Variants in TENM4 observed in about 807,000 individuals in gnomAD.
TENM4 encodes the protein teneurin-4.
A neutral mutation model predicts 243.3 loss-of-function variants in TENM4; 82 were observed. The ratio of observed to expected loss-of-function variants is 0.34; its 90% CI spans 0.28 to 0.40. The LOEUF is 0.40. Ranked by LOEUF, TENM4 falls within the 10% of genes least tolerant of loss-of-function variation. TENM4 has a pLI of 1.00. For synonymous variants in TENM4, 1,412 were observed against 1,456.3 expected, an observed-to-expected ratio of 0.97 and a Z score of 0.69; for missense variants, 3,138 against 3,673.3, an observed-to-expected ratio of 0.85 and a Z score of 3.77.
At chr11:78,923,441 G>A (rs1225355111) in intron 6 of TENM4, among the ~76,000 whole-genome samples, 1 of 152,172 alleles carries the variant, frequency 6.6e-6, no homozygotes, top group Non-Finnish European at 1.5e-5. Context: ...CTGAGCCAAT[G>A]AGTGTTTCAG....
intron 25 of TENM4, among the ~76,000 whole-genome samples, chr11:78,718,768 T>C (rs2135828388): frequency 6.6e-6 from 1 of 152,354 alleles, no homozygotes; most frequent in East Asian, 1.9e-4. Context: ...AATGTTCTCT[T>C]CTGAGAAATG....
At chr11:78,788,304 T>G (rs1856981465) in intron 15 of TENM4, among the ~76,000 whole-genome samples, 1 of 152,354 alleles carries the variant, frequency 6.6e-6, no homozygotes, top group East Asian at 1.9e-4. Flanking sequence ...AGTCCCCATG[T>G]ATGTTGTGTT....
intron 6 of TENM4, among the ~76,000 whole-genome samples, chr11:78,955,335 A>G (rs1857186278): frequency 6.6e-6 from 1 of 152,190 alleles, no homozygotes; most frequent in African/African-American, 2.4e-5. Context: ...CTAATCTCCC[A>G]CACTCTCCTT....
At chr11:78,809,079 A>G (rs1399721539) in intron 14 of TENM4, among the ~76,000 whole-genome samples, 1 of 152,152 alleles carries the variant, frequency 6.6e-6, no homozygotes, top group Non-Finnish European at 1.5e-5. Context: ...GAACCTATAA[A>G]TCCCCATCAT....
At chr11:78,847,063 A>G (rs1454951500) in intron 12 of TENM4, among the ~76,000 whole-genome samples, 3 of 152,198 alleles carry the variant, frequency 2.0e-5, no homozygotes, top group Non-Finnish European at 4.4e-5. Context: ...CCTGCCTGAC[A>G]TGCAGACATA....
chr11:78,656,900 T>G lies in TENM4; in HGVS notation c.*1158A>C. The G allele has an allele frequency of 2.5e-6, 1 of 397,552 alleles. No individual in the cohort carries two copies. The highest frequency in any genetic ancestry group is 4.4e-5 in the Admixed American group (1 of 22,736). 24.6% of individuals were successfully genotyped at this position (397,552 alleles called of 1,614,324 possible). On this transcript the variant is annotated 3_prime_UTR_variant, in exon 34 of 34. Transcript: ENST00000278550. ...ACTGGTTAGAAGGATGCTTAGCTTA[T>G]GCCTTCCTCTCTTTGGCTGGCTTTT...
chr11:78,879,077 G>A (rs144143898), intron 9 of TENM4, among the ~76,000 whole-genome samples: 1,783 of 151,152 alleles, frequency 0.012, 36 homozygotes, highest in African/African-American at 0.041. Flanking sequence ...GCCTCTGCCC[G>A]GCTGCCCCAA....
chr11:79,360,020 G>A (rs539047), intron 1 of TENM4, among the ~76,000 whole-genome samples: 112,313 of 152,074 alleles, frequency 0.74, 41,683 homozygotes, highest in Middle Eastern at 0.8. Flanking sequence ...GATAAAAGTT[G>A]TCATCAGCAT....
At chr11:78,820,664 T>G (rs1404591146) in intron 12 of TENM4, among the ~76,000 whole-genome samples, 1 of 152,166 alleles carries the variant, frequency 6.6e-6, no homozygotes, top group Non-Finnish European at 1.5e-5. Context: ...AACAAGGAAA[T>G]GTGGGTTTCT....
intron 2 of TENM4, among the ~76,000 whole-genome samples, chr11:79,249,618 G>A (rs891136771): frequency 1.3e-5 from 2 of 152,096 alleles, no homozygotes; most frequent in Admixed American, 6.5e-5. Context: ...ATATTCACAC[G>A]CAGTATTTAT....
rs1172776088 is a variant in TENM4, at chr11:78,923,693, C to CTTTTTTTT, written c.494-20178_494-20171dup. ...GCTGGGATGACAGGCATGCACCTGG[C>CTTTTTTTT]TTTTTTTTTTTTTTTTTTTTTTTTA... On this transcript the variant is annotated intron_variant, in intron 6 of 33. Transcript: ENST00000278550. 3.0e-4 allele frequency among the ~76,000 whole-genome samples: 16 copies of CTTTTTTTT among 53,680 alleles called. 4 individuals are homozygous for CTTTTTTTT. Among genetic ancestry groups the CTTTTTTTT allele is most frequent in the South Asian group, 1.4e-3 (1 of 722 alleles). 35.2% of individuals were successfully genotyped at this position (53,680 alleles called of 152,430 possible). A position where few individuals can be genotyped will look rare whatever the true frequency, so the allele number is the denominator to read the frequency against.
chr11:79,095,957 A>T (rs1276595035), intron 4 of TENM4: 1 of 152,192 alleles, frequency 6.6e-6, no homozygotes, highest in Non-Finnish European at 1.5e-5. Context: ...GGGAGAACCC[A>T]TTGAGGGTCT....
intron 1 of TENM4, among the ~76,000 whole-genome samples, chr11:79,409,468 T>A (rs763166034): frequency 5.3e-5 from 8 of 152,148 alleles, no homozygotes; most frequent in Non-Finnish European, 8.8e-5. Context: ...GCGGCAGGAA[T>A]CCAGCGTGGC....
chr11:79,281,255 TC>T (rs1420921835), intron 2 of TENM4, among the ~76,000 whole-genome samples: 1 of 152,172 alleles, frequency 6.6e-6, no homozygotes, highest in Non-Finnish European at 1.5e-5. Flanking sequence ...GGTATTATGA[TC>T]ATTTTTATTT....
chr11:79,419,176 ACCT>A (rs1565338687), intron 1 of TENM4, among the ~76,000 whole-genome samples: 1 of 152,180 alleles, frequency 6.6e-6, no homozygotes, highest in East Asian at 1.9e-4. Flanking sequence ...TGAAAAGCCT[ACCT>A]GGCTTTTCAA....
chr11:78,761,767 G>GT (rs35891979), intron 18 of TENM4, among the ~76,000 whole-genome samples: 1 of 151,744 alleles, frequency 6.6e-6, no homozygotes, highest in Non-Finnish European at 1.5e-5. Flanking sequence ...AGTAGGCACT[G>GT]TTTTTTTTAG....
Position 78,657,859 on chromosome 11 carries a change from G to A in TENM4, c.*199C>T, listed in dbSNP as rs894030854. 1 of 765,702 alleles carries A rather than the reference G, an allele frequency of 1.3e-6. No individual in the cohort carries two copies. The highest frequency in any genetic ancestry group is 2.3e-5 in the Admixed American group (1 of 43,426). 47.4% of individuals were successfully genotyped at this position (765,702 alleles called of 1,614,324 possible). A position where few individuals can be genotyped will look rare whatever the true frequency, so the allele number is the denominator to read the frequency against. On this transcript the variant is annotated 3_prime_UTR_variant, in exon 34 of 34. Coordinates refer to ENST00000278550, the MANE Select transcript of TENM4 (RefSeq NM_001098816.3). The stretch of plus-strand genomic sequence containing the variant: ...CACACTACAGAAAAAAATACCTTCT[G>A]TTCTTTGCAAAAAATGTGCGAAGGC...
chr11:78,745,827 T>C (rs1383802249), intron 19 of TENM4, among the ~76,000 whole-genome samples: 1 of 152,242 alleles, frequency 6.6e-6, no homozygotes, highest in African/African-American at 2.4e-5. Context: ...TGCTATTTAT[T>C]ATTATACCCC....
intron 1 of TENM4, among the ~76,000 whole-genome samples, chr11:79,333,659 C>T (rs940251478): frequency 3.9e-5 from 6 of 152,188 alleles, no homozygotes; most frequent in Non-Finnish European, 7.3e-5. Flanking sequence ...TGCTACTAAA[C>T]CATGTCTGGT....
Sources: gnomAD v4.1 joint callset for allele counts (sites outside exome capture counted in the v4.1 genomes callset) on GRCh38, gnomAD v4.1.1 for gene constraint, MANE v1.5 for transcripts, NCBI Gene and HGNC (gene_info 2026-07-23, HGNC 2026-07-21) for gene names.